Variants in SASS6 observed in about 807,000 individuals in gnomAD.
SASS6 encodes the protein SAS-6 centriolar assembly protein.
In SASS6, 59 loss-of-function variants were observed where a neutral mutation model predicts 94.9. The ratio of observed to expected loss-of-function variants is 0.62; its 90% CI spans 0.50 to 0.77. SASS6 has a LOEUF of 0.77. Among genes scored for constraint, SASS6 ranks in the 30% least tolerant of loss-of-function variants. The probability of loss-of-function intolerance (pLI) is 0.00; values close to 1 mark genes in which losing one functional copy is unlikely to be tolerated. For missense variants in SASS6, 698 were observed against 734.1 expected, an observed-to-expected ratio of 0.95 and a Z score of 0.57; for synonymous variants, 264 against 270.0, an observed-to-expected ratio of 0.98 and a Z score of 0.22.
intron 13 of SASS6, among the ~76,000 whole-genome samples, chr1:100,104,818 T>C (rs1242212863): frequency 6.8e-6 from 1 of 147,194 alleles, no homozygotes; most frequent in Non-Finnish European, 1.5e-5. Flanking sequence ...CTGGGCACAG[T>C]GGCTCACAGC....
rs759304987 is a variant in SASS6, at chr1:100,121,389, T to C, written c.472A>G (p.Lys158Glu). Reference protein sequence around the residue: ...EIKKFLAGCLKCSKEEKLSLM... With the variant: ...EIKKFLAGCLECSKEEKLSLM... ...AATTTAAATCTTACCTTGCTACATT[T>C]CAAACAGCCTGCGAGAAATTTCTTT... Residue 158 changes from lysine to glutamate, a missense_variant, in exon 5 of 17, where the codon AAA becomes GAA. Physicochemically the swap from Lys to Glu is moderately conservative, Grantham distance 56. Transcript: ENST00000287482. 1.3e-6 allele frequency: 2 copies of C among 1,571,912 alleles called. No individual in the cohort carries two copies. Among genetic ancestry groups the C allele is most frequent in the Non-Finnish European group, 1.7e-6 (2 of 1,164,488 alleles).
intron 14 of SASS6, among the ~76,000 whole-genome samples, chr1:100,095,106 A>C (rs769556286): frequency 6.6e-6 from 1 of 152,236 alleles, no homozygotes; most frequent in Non-Finnish European, 1.5e-5. Context: ...GAATAGAATA[A>C]AACTCCCTTA....
In SASS6 at chr1:100,107,056, T is replaced by C. The variant is rs571233096; in HGVS notation, c.1327-63A>G. 8.6e-5 allele frequency: 60 copies of C among 699,308 alleles called. 1 individual carries two copies. The South Asian group carries it at 1.0e-3, about 12-fold the overall frequency. 43.3% of individuals were successfully genotyped at this position (699,308 alleles called of 1,614,324 possible). A position where few individuals can be genotyped will look rare whatever the true frequency, so the allele number is the denominator to read the frequency against. On this transcript the variant is annotated intron_variant, in intron 11 of 16. Coordinates refer to ENST00000287482, the MANE Select transcript of SASS6 (RefSeq NM_194292.3). ...TAAAGGTTAAATAAAAACTGAAGAA[T>C]GTATTATTATTAACTAAATAATTAC...
chr1:100,120,353 T>A, intron 6 of SASS6, 41 bp downstream of exon 6: 1 of 958,108 alleles, frequency 1.0e-6, no homozygotes. Context: ...TCAGTGCCAA[T>A]GTCTGGATGA....
rs746641483 is a variant in SASS6 at position 100,105,747 on chromosome 1, C to T, written c.1545+20G>A. On this transcript the variant is annotated intron_variant, in intron 13 of 16. Transcript: ENST00000287482. ...TCAGGAAATTCACTAAGATCACTCA[C>T]ATCTTGTTTTAAATCTTACCACATT... 5 of 1,603,766 alleles carry T rather than the reference C, an allele frequency of 3.1e-6. No individual in the cohort carries two copies. The South Asian group carries it at 5.6e-5, about 18-fold the overall frequency.
rs67844941 is a variant in SASS6, at chr1:100,102,675, CA to C, written c.1674+279del. On this transcript the variant is annotated intron_variant, in intron 14 of 16. Transcript: ENST00000287482. ...CCTGGACAACCGAGCAAGACTGTCT[CA>C]AAAAAAAAAAAAAAAAAAGGAGAGG... 0.058 allele frequency among the ~76,000 whole-genome samples: 4,078 copies of C among 70,096 alleles called. 190 individuals carry two copies. Among genetic ancestry groups the C allele is most frequent in the East Asian group, 0.4 (1,188 of 2,976 alleles). 46.0% of individuals were successfully genotyped at this position (70,096 alleles called of 152,430 possible).
chr1:100,130,108 T>C (rs551389272), intron 1 of SASS6, among the ~76,000 whole-genome samples: 1 of 152,286 alleles, frequency 6.6e-6, no homozygotes, highest in Admixed American at 6.5e-5. Flanking sequence ...ACAAGATCTG[T>C]CAGTAAGTGG....
At chr1:100,097,776 G>A (rs771439699) in intron 14 of SASS6, among the ~76,000 whole-genome samples, 31 of 152,244 alleles carry the variant, frequency 2.0e-4, no homozygotes, top group Non-Finnish European at 4.1e-4. Context: ...GCTGCAATAA[G>A]CCATGATCGT....
intron 14 of SASS6, among the ~76,000 whole-genome samples, chr1:100,092,908 T>G (rs926839026): frequency 6.6e-6 from 1 of 152,012 alleles, no homozygotes; most frequent in South Asian, 2.1e-4. Context: ...TAATGGAGGA[T>G]AGCAAAAATT....
At chr1:100,118,054 T>G (rs1653922179) in intron 7 of SASS6, among the ~76,000 whole-genome samples, 6 of 152,184 alleles carry the variant, frequency 3.9e-5, no homozygotes, top group Admixed American at 3.9e-4. Flanking sequence ...GCACAGTGGC[T>G]CATGCCTGTA....
intron 12 of SASS6, 100 bp downstream of exon 12, chr1:100,106,812 C>A (rs1157026015): frequency 4.8e-6 from 3 of 631,342 alleles, no homozygotes; most frequent in Non-Finnish European, 5.8e-6. Flanking sequence ...TGAGATCATG[C>A]CACTGCACTC....
rs187247912 is a variant in SASS6, at chr1:100,106,905, T to C, written c.1408+7A>G. 1,102 of 1,124,370 alleles carry C rather than the reference T, an allele frequency of 9.8e-4. 3 individuals are homozygous for C. The highest frequency in any genetic ancestry group is 6.1e-4 in the Non-Finnish European group (454 of 743,924). 69.6% of individuals were successfully genotyped at this position (1,124,370 alleles called of 1,614,324 possible). On this transcript the variant is annotated splice_region_variant and intron_variant, in intron 12 of 16. Transcript: ENST00000287482. ...ACCTCATTTACATTAACACGTAACATACTTACACTTTTCATTATTTTTTAG... is the reference window on the plus strand; with the variant it reads ...ACCTCATTTACATTAACACGTAACACACTTACACTTTTCATTATTTTTTAG...
At chr1:100,107,278 A>C (rs1173093222) in intron 11 of SASS6, 96 bp downstream of exon 11, 2 of 767,604 alleles carry the variant, frequency 2.6e-6, no homozygotes, top group Non-Finnish European at 4.3e-6. Context: ...TAAAAAAAAA[A>C]ACAAGACCAA....
intron 7 of SASS6, among the ~76,000 whole-genome samples, chr1:100,114,981 C>T (rs1653678294): frequency 6.6e-6 from 1 of 152,034 alleles, no homozygotes; most frequent in Non-Finnish European, 1.5e-5. Context: ...GAGAAGAAAA[C>T]CCTTTCTCTC....
At chr1:100,115,655 C>T (rs1353903502) in intron 7 of SASS6, among the ~76,000 whole-genome samples, 1 of 152,042 alleles carries the variant, frequency 6.6e-6, no homozygotes, top group Non-Finnish European at 1.5e-5. Flanking sequence ...TAGTGAAACC[C>T]CATCTCCACA....
intron 8 of SASS6, among the ~76,000 whole-genome samples, chr1:100,108,764 A>C (rs1213733397): frequency 1.3e-5 from 2 of 152,078 alleles, no homozygotes; most frequent in Non-Finnish European, 2.9e-5. Flanking sequence ...TAATTACTGA[A>C]ACTCCCTAAA....
chr1:100,107,437 T>C lies in SASS6; in HGVS notation c.1263A>G (p.Lys421=). Residue 421 remains lysine (K), a synonymous_variant, in exon 11 of 17, where the codon AAA becomes AAG. Transcript: ENST00000287482. ...QEKLLAEKEE[K]LQKEQKELQD... ...GTAATTCCTTTTGTTCCTTTTGTAA[T>C]TTTTCCTCCTTCTCAGCCAAGAGTT... is the stretch of plus-strand genomic sequence containing the variant. 1 of 1,609,684 alleles carries C rather than the reference T, an allele frequency of 6.2e-7. No individual in the cohort carries two copies. Among genetic ancestry groups the C allele is most frequent in the South Asian group, 1.1e-5 (1 of 90,946 alleles).
At chr1:100,132,658 G>C in intron 1 of SASS6, 92 bp downstream of exon 1, 1 of 1,064,744 alleles carries the variant, frequency 9.4e-7, no homozygotes, top group South Asian at 1.2e-5. Context: ...ACACCTAGGT[G>C]CAAGGTGGAT....
chr1:100,083,893 A>G lies in SASS6; in HGVS notation c.*1435T>C, dbSNP rs1651028858. 2 of 152,018 alleles carry G rather than the reference A, an allele frequency of 1.3e-5. No individual in the cohort carries two copies. Among genetic ancestry groups the G allele is most frequent in the African/African-American group, 4.8e-5 (2 of 41,414 alleles). The allele number at this position is 152,018 out of a possible 1,614,324, so 9.4% of individuals were successfully genotyped here. ...TCACAATATTTTATATATATTACATAGTATTTACAACAAAGCCCCTTCCAT... is the reference window on the plus strand; with the variant it reads ...TCACAATATTTTATATATATTACATGGTATTTACAACAAAGCCCCTTCCAT... On this transcript the variant is annotated 3_prime_UTR_variant, in exon 17 of 17. Coordinates refer to ENST00000287482, the MANE Select transcript of SASS6 (RefSeq NM_194292.3).
Sources: gnomAD v4.1 joint callset for allele counts (sites outside exome capture counted in the v4.1 genomes callset) on GRCh38, gnomAD v4.1.1 for gene constraint, MANE v1.5 for transcripts, NCBI Gene and HGNC (gene_info 2026-07-23, HGNC 2026-07-21) for gene names.